Variants in GLIS3 observed in about 807,000 individuals in gnomAD.
GLIS3 encodes the protein zinc finger protein GLIS3.
GLIS3 carries 53 observed loss-of-function variants against 78.6 expected under a neutral mutation model. The ratio of observed to expected loss-of-function variants is 0.67; its 90% CI spans 0.54 to 0.85. The LOEUF (loss-of-function observed/expected upper bound fraction) is 0.85, where lower values mean the gene tolerates loss of function less well. Among genes scored for constraint, GLIS3 ranks in the 40% least tolerant of loss-of-function variants. The pLI is 0.00. For synonymous variants in GLIS3, 684 were observed against 509.9 expected (o/e 1.34, Z -4.60); for missense variants, 1,703 against 1,231.1 (o/e 1.38, Z -5.74).
intron 7 of GLIS3, among the ~76,000 whole-genome samples, chr9:3,890,144 C>T (rs996123438): frequency 1.3e-5 from 2 of 152,178 alleles, no homozygotes; most frequent in Non-Finnish European, 2.9e-5. Context: ...GCCATCAATC[C>T]CATTTCTCCT....
intron 2 of GLIS3, among the ~76,000 whole-genome samples, chr9:4,163,358 T>C (rs191646451): frequency 2.0e-5 from 3 of 152,390 alleles, no homozygotes; most frequent in Non-Finnish European, 2.9e-5. Flanking sequence ...CCATGGAATA[T>C]TAAGAGCTGG....
the GLIS3 span, among the ~76,000 whole-genome samples, chr9:4,481,538 G>GTGTGTC: frequency 6.6e-6 from 1 of 151,782 alleles, no homozygotes; most frequent in Non-Finnish European, 1.5e-5. Context: ...GTGTGTGTGT[G>GTGTGTC]TGTGTACCGT....
At chr9:4,159,033 G>GAAAAAAAAAAAAAAAAAAAA (rs1315271767) in intron 2 of GLIS3, among the ~76,000 whole-genome samples, 4 of 87,680 alleles carry the variant, frequency 4.6e-5, no homozygotes, top group African/African-American at 1.6e-4. Context: ...AGGAGAAGAA[G>GAAAAAAAAAAAAAAAAAAAA]AAAAAAAAAA....
At chr9:4,168,268 T>A (rs977186906) in intron 2 of GLIS3, among the ~76,000 whole-genome samples, 1 of 152,124 alleles carries the variant, frequency 6.6e-6, no homozygotes, top group Non-Finnish European at 1.5e-5. Flanking sequence ...CTGTCTAAAG[T>A]ATATTTTAAA....
intron 2 of GLIS3, among the ~76,000 whole-genome samples, chr9:4,328,842 A>C (rs115439331): frequency 6.6e-6 from 1 of 152,226 alleles, no homozygotes. Context: ...GCACGTGACA[A>C]GCATCCAATA....
intron 2 of GLIS3, among the ~76,000 whole-genome samples, chr9:4,197,649 C>T (rs1373444216): frequency 6.6e-6 from 1 of 152,220 alleles, no homozygotes; most frequent in African/African-American, 2.4e-5. Flanking sequence ...ATCTTGCCAC[C>T]CACTTCACCG....
Position 4,270,069 on chromosome 9 carries a change from G to C in GLIS3, c.388+15969C>G, listed in dbSNP as rs148641499. 6.2e-3 allele frequency among the ~76,000 whole-genome samples: 937 copies of C among 152,302 alleles called. 6 individuals carry two copies. Among genetic ancestry groups the C allele is most frequent in the African/African-American group, 0.021 (881 of 41,558 alleles). On this transcript the variant is annotated intron_variant, in intron 2 of 10. Transcript: ENST00000381971. Reference sequence around the variant, plus strand: ...GACGTGCATTCCCACCCTGGCTCTAGACACCTCTTATCAGCCATGTGATCC... The same window carrying C: ...GACGTGCATTCCCACCCTGGCTCTACACACCTCTTATCAGCCATGTGATCC...
At chr9:4,418,069 C>G in the GLIS3 span, among the ~76,000 whole-genome samples, 1 of 152,284 alleles carries the variant, frequency 6.6e-6, no homozygotes, top group African/African-American at 2.4e-5. Context: ...CCACACATAT[C>G]CATCTTAGGA....
the GLIS3 span, among the ~76,000 whole-genome samples, chr9:4,415,797 T>TTTTC: frequency 0.72 from 109,446 of 151,030 alleles, 39,941 homozygotes; most frequent in African/African-American, 0.8. Flanking sequence ...AAATTTTAAC[T>TTTTC]TTTCTTTTTT....
chr9:4,006,296 A>G (rs16920343), intron 4 of GLIS3, among the ~76,000 whole-genome samples: 11,734 of 134,740 alleles, frequency 0.087, 603 homozygotes, highest in South Asian at 0.18. Context: ...AACGTTACTC[A>G]TATGTCTCAA....
the GLIS3 span, among the ~76,000 whole-genome samples, chr9:4,435,554 C>T: frequency 6.6e-6 from 1 of 152,202 alleles, no homozygotes; most frequent in South Asian, 2.1e-4. Flanking sequence ...TTTGTACCAT[C>T]CTGGATCTGC....
intron 2 of GLIS3, among the ~76,000 whole-genome samples, chr9:4,217,326 TA>T (rs1319541637): frequency 6.6e-6 from 1 of 152,200 alleles, no homozygotes; most frequent in African/African-American, 2.4e-5. Context: ...CTGTGGTATT[TA>T]AAAATAAAAA....
intron 4 of GLIS3, among the ~76,000 whole-genome samples, chr9:3,980,712 C>G (rs1368810492): frequency 6.6e-6 from 1 of 152,138 alleles, no homozygotes; most frequent in Non-Finnish European, 1.5e-5. Flanking sequence ...ACACTAAATA[C>G]AAGGTAAAGG....
chr9:4,350,727 G>T (rs935337402), upstream of GLIS3, among the ~76,000 whole-genome samples: 3 of 152,192 alleles, frequency 2.0e-5, no homozygotes, highest in Admixed American at 6.5e-5. Flanking sequence ...AGTTGGGATT[G>T]ATGTGTCTCT....
intron 2 of GLIS3, among the ~76,000 whole-genome samples, chr9:4,176,619 T>C (rs1269360729): frequency 6.6e-6 from 1 of 152,132 alleles, no homozygotes; most frequent in Non-Finnish European, 1.5e-5. Flanking sequence ...TCATCATATT[T>C]CTTTTTCTCC....
At chr9:4,215,829 G>A (rs1262273640) in intron 2 of GLIS3, among the ~76,000 whole-genome samples, 3 of 152,154 alleles carry the variant, frequency 2.0e-5, no homozygotes, top group African/African-American at 7.2e-5. Flanking sequence ...CTTGGTTGGT[G>A]TTTGCCTGCC....
At chr9:4,475,976 C>T in the GLIS3 span, among the ~76,000 whole-genome samples, 1 of 151,922 alleles carries the variant, frequency 6.6e-6, no homozygotes, top group Non-Finnish European at 1.5e-5. Context: ...CTCAAACTCC[C>T]GGGCTCAAGT....
the GLIS3 span, among the ~76,000 whole-genome samples, chr9:4,444,953 T>C: frequency 6.6e-6 from 1 of 152,224 alleles, no homozygotes; most frequent in Non-Finnish European, 1.5e-5. Context: ...TTAAAAAATA[T>C]ACGACTATTT....
chr9:3,885,521 A>G (rs1417025310), intron 7 of GLIS3, among the ~76,000 whole-genome samples: 1 of 152,198 alleles, frequency 6.6e-6, no homozygotes, highest in Non-Finnish European at 1.5e-5. Flanking sequence ...GATCCTGACA[A>G]ATGACATTAT....
Sources: allele counts gnomAD v4.1 joint callset (sites outside exome capture counted in the v4.1 genomes callset), GRCh38; gene constraint gnomAD v4.1.1; transcripts MANE v1.5; gene names NCBI Gene and HGNC (gene_info 2026-07-23, HGNC 2026-07-21).